The following CDC123 variants were observed in gnomAD, a reference collection of about 807,000 sequenced individuals.
CDC123 encodes the protein cell division cycle 123, also known as translation initiation factor eIF2 assembly protein.
CDC123 carries 37 observed loss-of-function variants against 54.4 expected under a neutral mutation model. That is an observed-to-expected ratio of 0.68 (90% CI 0.52 to 0.89). CDC123 has a LOEUF of 0.89. Ranked by LOEUF, CDC123 falls within the 40% of genes least tolerant of loss-of-function variation. CDC123 has a pLI of 0.00. For synonymous variants in CDC123, 144 were observed against 136.8 expected, an observed-to-expected ratio of 1.05 and a Z score of -0.37; for missense variants, 361 against 412.1, an observed-to-expected ratio of 0.88 and a Z score of 1.07.
rs1160288171 is a variant in CDC123 at position 12,217,709 on chromosome 10, AT to A, written c.440+250del. Among the ~76,000 whole-genome samples, 6 of 152,090 alleles carry A rather than the reference AT, an allele frequency of 3.9e-5. No individual in the cohort carries two copies. In the South Asian group the frequency reaches 6.2e-4, roughly 16 times the overall value. On this transcript the variant is annotated intron_variant, in intron 6 of 12. Coordinates refer to ENST00000281141, the MANE Select transcript of CDC123 (RefSeq NM_006023.3). ...TCTCTGCCCATTAAACATTTCAGTA[AT>A]TTTTTTTCTATTATAAAACTGATAA...
chr10:12,205,426 A>G (rs1047152698), intron 2 of CDC123, among the ~76,000 whole-genome samples: 2 of 152,202 alleles, frequency 1.3e-5, no homozygotes, highest in Admixed American at 1.3e-4. Context: ...GATATCTCAT[A>G]TATATGCAAA....
chr10:12,206,478 T>G (rs533253212), intron 2 of CDC123, among the ~76,000 whole-genome samples: 1 of 152,352 alleles, frequency 6.6e-6, no homozygotes, highest in African/African-American at 2.4e-5. Context: ...GTTCTTAGCT[T>G]TGTGAATCTG....
rs183787294 is a variant in CDC123, at chr10:12,245,800, G to A, written c.718-349G>A. 219 of 176,216 alleles carry A rather than the reference G, an allele frequency of 1.2e-3. 1 individual carries two copies. The highest frequency in any genetic ancestry group is 4.8e-3 in the African/African-American group (204 of 42,492). The allele number at this position is 176,216 out of a possible 1,614,324, so 10.9% of individuals were successfully genotyped here. ...AAGAATATCTTTCTGGCCGGGCGAC[G>A]TGGCTTATGTCTGTAATCCCAGCAC... On this transcript the variant is annotated intron_variant, in intron 10 of 12. Coordinates refer to ENST00000281141, the MANE Select transcript of CDC123 (RefSeq NM_006023.3).
At chr10:12,222,157 G>A (rs1013987040) in intron 6 of CDC123, among the ~76,000 whole-genome samples, 1 of 152,230 alleles carries the variant, frequency 6.6e-6, no homozygotes, top group Non-Finnish European at 1.5e-5. Flanking sequence ...AATGCTCCCA[G>A]CATCTGAACA....
chr10:12,242,897 G>A (rs1164611734), intron 10 of CDC123, among the ~76,000 whole-genome samples: 4 of 151,784 alleles, frequency 2.6e-5, no homozygotes, highest in South Asian at 2.1e-4. Flanking sequence ...AGCTGAGATC[G>A]CGCGACTGTA....
intron 7 of CDC123, 114 bp downstream of exon 7, chr10:12,231,110 T>G (rs1835897249): frequency 3.3e-6 from 3 of 905,424 alleles, no homozygotes; most frequent in African/African-American, 1.7e-5. Context: ...TTCGGGAACC[T>G]AAAGCCACTG....
intron 6 of CDC123, among the ~76,000 whole-genome samples, chr10:12,219,471 T>C (rs182892986): frequency 2.6e-5 from 4 of 152,258 alleles, no homozygotes; most frequent in African/African-American, 4.8e-5. Context: ...AGTATTGTTT[T>C]GACATTTAAT....
intron 3 of CDC123, 76 bp from the exon 4 acceptor site, chr10:12,210,200 GATTTATAATTTTTA>G: frequency 6.6e-7 from 1 of 1,521,942 alleles, no homozygotes; most frequent in South Asian, 1.2e-5. Context: ...TCTCCTGTTT[GATTTATAATTTTTA>G]GATGGAGCAC....
At chr10:12,240,860 G>T (rs1040022970) in intron 10 of CDC123, among the ~76,000 whole-genome samples, 3 of 152,226 alleles carry the variant, frequency 2.0e-5, no homozygotes, top group African/African-American at 7.2e-5. Flanking sequence ...ACCAGGTTGT[G>T]TCTGGTCTTC....
intron 2 of CDC123, among the ~76,000 whole-genome samples, chr10:12,204,575 G>A (rs539436091): frequency 1.7e-4 from 26 of 152,284 alleles, no homozygotes; most frequent in African/African-American, 5.5e-4. Context: ...TTAGCACATC[G>A]TGGAGAAAGG....
intron 2 of CDC123, among the ~76,000 whole-genome samples, chr10:12,208,305 C>T (rs1835547898): frequency 6.6e-6 from 1 of 152,114 alleles, no homozygotes; most frequent in South Asian, 2.1e-4. Flanking sequence ...TCTGAGTCTT[C>T]CCTCTGAGTT....
intron 10 of CDC123, among the ~76,000 whole-genome samples, chr10:12,241,933 A>C (rs11257612): frequency 0.14 from 20,861 of 150,510 alleles, 1,700 homozygotes; most frequent in South Asian, 0.21. Flanking sequence ...TTCCCACAGC[A>C]CTAGAGTTGA....
chr10:12,223,093 ACCGTATTAG>A, intron 6 of CDC123, among the ~76,000 whole-genome samples: 1 of 150,582 alleles, frequency 6.6e-6, no homozygotes, highest in Admixed American at 6.6e-5. Flanking sequence ...ACGGGGTTTC[ACCGTATTAG>A]CCAGGATGGT....
intron 7 of CDC123, among the ~76,000 whole-genome samples, chr10:12,232,874 C>G (rs1374765802): frequency 4.6e-5 from 7 of 151,794 alleles, no homozygotes; most frequent in African/African-American, 7.3e-5. Flanking sequence ...ATTCTCCTGC[C>G]TCAGCCTCCC....
chr10:12,227,249 A>G (rs1224461474), intron 6 of CDC123, among the ~76,000 whole-genome samples: 6 of 123,884 alleles, frequency 4.8e-5, no homozygotes, highest in East Asian at 2.8e-4. Flanking sequence ...GACCGTGGAG[A>G]GAGAGGGAGA....
chr10:12,230,958 T>C lies in CDC123; in HGVS notation c.451T>C (p.Cys151Arg). 1 of 1,611,598 alleles carries C rather than the reference T, an allele frequency of 6.2e-7. No individual in the cohort carries two copies. Among genetic ancestry groups the C allele is most frequent in the Non-Finnish European group, 8.5e-7 (1 of 1,179,390 alleles). The stretch of plus-strand genomic sequence containing the variant: ...CTTCTTCTTCCAAAGGTTTATTCAT[T>C]GTACTGATGATTCTCCAGATCCATG... ...TRDFTQPFIH[C>R]TDDSPDPCIE... Residue 151 changes from cysteine (C) to arginine (R), a missense_variant, in exon 7 of 13, where the codon TGT becomes CGT. Physicochemically the swap from Cys to Arg is radical, Grantham distance 180. Coordinates refer to ENST00000281141, the MANE Select transcript of CDC123 (RefSeq NM_006023.3).
chr10:12,211,623 A>G (rs532209463), intron 4 of CDC123, among the ~76,000 whole-genome samples: 2 of 152,220 alleles, frequency 1.3e-5, no homozygotes, highest in Non-Finnish European at 2.9e-5. Flanking sequence ...ACAAAGATGA[A>G]TATGATTTCA....
chr10:12,218,171 T>A (rs1208655675), intron 6 of CDC123, among the ~76,000 whole-genome samples: 1 of 151,994 alleles, frequency 6.6e-6, no homozygotes, highest in Non-Finnish European at 1.5e-5. Context: ...TAGATAAATA[T>A]AATATAAATA....
chr10:12,209,036 T>A (rs1385149791), intron 2 of CDC123, among the ~76,000 whole-genome samples: 1 of 152,196 alleles, frequency 6.6e-6, no homozygotes, highest in Non-Finnish European at 1.5e-5. Context: ...AGACATTCGC[T>A]TCTGGTGTCT....
Sources: gnomAD v4.1 joint callset for allele counts (sites outside exome capture counted in the v4.1 genomes callset) on GRCh38, gnomAD v4.1.1 for gene constraint, MANE v1.5 for transcripts, NCBI Gene and HGNC (gene_info 2026-07-23, HGNC 2026-07-21) for gene names.